NTNG2: variants seen among roughly 807,000 people sequenced by gnomAD.
NTNG2 encodes netrin-G2.
A neutral mutation model predicts 47.6 loss-of-function variants in NTNG2; 15 were observed. The observed-to-expected ratio is 0.32, with a 90% CI of 0.21 to 0.49. The LOEUF is 0.49. Ranked by LOEUF, NTNG2 falls within the 20% of genes least tolerant of loss-of-function variation. The pLI, the probability that NTNG2 is intolerant of heterozygous loss-of-function variation, is 0.99. For missense variants in NTNG2, 578 were observed against 764.6 expected (o/e 0.76, Z 2.88); for synonymous variants, 307 against 324.6 (o/e 0.95, Z 0.58).
intron 5 of NTNG2, among the ~76,000 whole-genome samples, chr9:132,234,734 A>G (rs1414643540): frequency 2.0e-5 from 3 of 152,260 alleles, no homozygotes; most frequent in African/African-American, 7.2e-5. Context: ...AAATGCCTTC[A>G]GGGCTGGCTT....
Position 132,218,117 on chromosome 9 carries a change from G to A in NTNG2, c.858-8732G>A, listed in dbSNP as rs2130877856. Among the ~76,000 whole-genome samples the A allele has an allele frequency of 6.6e-6, 1 of 152,356 alleles. No individual in the cohort carries two copies. The highest frequency in any genetic ancestry group is 2.4e-5 in the African/African-American group (1 of 41,588). ...ATTTGTGCAGGCCACACAGCTGTGT[G>A]CACCATGAGCTGGGCAGAAGCCCTG... On this transcript the variant is annotated intron_variant, in intron 3 of 7. Transcript: ENST00000393229. This position sits in a 1 kb window ranked among gnomAD's most constrained non-coding sequence, Gnocchi z 5.4.
intron 3 of NTNG2, among the ~76,000 whole-genome samples, chr9:132,219,430 A>G (rs1487071468): frequency 6.7e-6 from 1 of 148,356 alleles, no homozygotes; most frequent in Non-Finnish European, 1.5e-5. Context: ...AAAATTAGCT[A>G]GATGTGGTGG....
At chr9:132,206,448 C>G (rs768357432) in intron 3 of NTNG2, among the ~76,000 whole-genome samples, 2 of 152,228 alleles carry the variant, frequency 1.3e-5, no homozygotes, top group African/African-American at 2.4e-5. Flanking sequence ...AGGTCCATCA[C>G]CTGAGGTCAG....
At chr9:132,216,416 G>A (rs1977549) in intron 3 of NTNG2, among the ~76,000 whole-genome samples, 2 of 31,900 alleles carry the variant, frequency 6.3e-5, no homozygotes, top group Non-Finnish European at 1.3e-4. Context: ...CTCTCTCTCT[G>A]TGTGTGTGTG....
chr9:132,168,454 G>A (rs1390316482), intron 2 of NTNG2, among the ~76,000 whole-genome samples: 1 of 152,328 alleles, frequency 6.6e-6, no homozygotes, highest in African/African-American at 2.4e-5. Flanking sequence ...CACATCACAG[G>A]GCAGTCAGCC....
chr9:132,225,227 GTCTTGTTTTGTTTTTGT>G (rs1840657698), intron 3 of NTNG2, among the ~76,000 whole-genome samples: 2 of 23,254 alleles, frequency 8.6e-5, no homozygotes, highest in Admixed American at 3.3e-4. Flanking sequence ...CTTTTGTTTT[GTCTTGTTTTGTTTTTGT>G]TTTTGTTTTG....
chr9:132,223,761 A>G (rs1360354355), intron 3 of NTNG2, among the ~76,000 whole-genome samples: 1 of 152,074 alleles, frequency 6.6e-6, no homozygotes, highest in Non-Finnish European at 1.5e-5. Context: ...GATCTCACTG[A>G]TCTCTCCCTG....
At chr9:132,175,335 C>T (rs1260947143) in intron 2 of NTNG2, among the ~76,000 whole-genome samples, 4 of 152,182 alleles carry the variant, frequency 2.6e-5, no homozygotes, top group East Asian at 3.9e-4. Context: ...GATTAGGCCA[C>T]AGGCTCTGAA....
Position 132,179,240 on chromosome 9 carries a change from G to A in NTNG2, c.213+12196G>A, listed in dbSNP as rs533619262. Among the ~76,000 whole-genome samples the A allele has an allele frequency of 6.6e-5, 10 of 152,342 alleles. No individual in the cohort carries two copies. The East Asian group carries it at 9.6e-4, about 15-fold the overall frequency. ...GGTGGGGGACACAGGATGCCTGCCC[G>A]GATGCCACCTGCAGCCAGTGGGGGC... is the stretch of plus-strand genomic sequence containing the variant. On this transcript the variant is annotated intron_variant, in intron 2 of 7. Coordinates refer to ENST00000393229, the MANE Select transcript of NTNG2 (RefSeq NM_032536.4).
rs756582910 is a variant in NTNG2, at chr9:132,227,035, C to T, written c.1030+14C>T. The T allele has an allele frequency of 6.3e-7, 1 of 1,580,610 alleles. No homozygotes were observed. The highest frequency in any genetic ancestry group is 1.3e-5 in the African/African-American group (1 of 74,340). ...CTCCCAACGCCTGTACGTGCCATGC[C>T]CCGGGGCCACGAGCCCACATGGCTA... On this transcript the variant is annotated intron_variant, in intron 4 of 7. Transcript: ENST00000393229.
chr9:132,237,716 G>C (rs1230363343), intron 5 of NTNG2, among the ~76,000 whole-genome samples: 2 of 152,230 alleles, frequency 1.3e-5, no homozygotes, highest in Non-Finnish European at 2.9e-5. Context: ...GCAGGTATGA[G>C]TCAGAAGCCA....
chr9:132,242,141 G>A lies in NTNG2; in HGVS notation c.*30G>A, dbSNP rs953848644. ...CGCCCGGAGGACGCTCCCCGCACCC[G>A]GAGGCCGGGGGTCCCGGGGTCCCGG... On this transcript the variant is annotated 3_prime_UTR_variant, in exon 8 of 8. Transcript: ENST00000393229. This position sits in a 1 kb window ranked among gnomAD's most constrained non-coding sequence, Gnocchi z 5.9. The A allele has an allele frequency of 1.9e-4, 200 of 1,053,392 alleles. No individual in the cohort carries two copies. The highest frequency in any genetic ancestry group is 2.2e-4 in the Non-Finnish European group (193 of 863,274). 65.3% of individuals were successfully genotyped at this position (1,053,392 alleles called of 1,614,324 possible). A position where few individuals can be genotyped will look rare whatever the true frequency, so the allele number is the denominator to read the frequency against.
intron 4 of NTNG2, 102 bp from the exon 5 acceptor site, chr9:132,230,470 C>A: frequency 9.4e-7 from 1 of 1,067,808 alleles, no homozygotes; most frequent in Non-Finnish European, 1.4e-6. Context: ...GAGGGAGCGA[C>A]ACCTCCAGGT....
At chr9:132,164,496 A>G (rs1835356269) in intron 1 of NTNG2, among the ~76,000 whole-genome samples, 2 of 152,228 alleles carry the variant, frequency 1.3e-5, no homozygotes, top group Admixed American at 1.3e-4. Flanking sequence ...GTTAGTGAAC[A>G]GTTAGGAGTC....
At chr9:132,185,976 G>A (rs1589408450) in intron 2 of NTNG2, among the ~76,000 whole-genome samples, 3 of 152,254 alleles carry the variant, frequency 2.0e-5, no homozygotes, top group Middle Eastern at 6.8e-3. Flanking sequence ...CTCCTGGTGT[G>A]GGGAAGGAGG....
At chr9:132,229,991 C>T (rs752315376) in intron 4 of NTNG2, among the ~76,000 whole-genome samples, 10 of 152,238 alleles carry the variant, frequency 6.6e-5, no homozygotes, top group African/African-American at 1.2e-4. Context: ...CTCCCCAAGC[C>T]GTGTGTCCTC....
intron 2 of NTNG2, among the ~76,000 whole-genome samples, chr9:132,170,067 T>C (rs7873311): frequency 0.46 from 69,266 of 152,106 alleles, 17,532 homozygotes; most frequent in African/African-American, 0.68. Flanking sequence ...GCCCCTTCAG[T>C]GGCAGGTGCT....
intron 2 of NTNG2, among the ~76,000 whole-genome samples, chr9:132,167,857 CAGCT>C (rs1835611029): frequency 1.3e-5 from 2 of 152,194 alleles, no homozygotes; most frequent in African/African-American, 4.8e-5. Context: ...GTCCTCCCCT[CAGCT>C]AGCCAGGTGG....
chr9:132,171,345 C>T (rs575685002), intron 2 of NTNG2, among the ~76,000 whole-genome samples: 4 of 152,330 alleles, frequency 2.6e-5, no homozygotes, highest in South Asian at 2.1e-4. Flanking sequence ...GGAGAGGAAA[C>T]GCCTCTCACA....
Sources: allele counts gnomAD v4.1 joint callset (sites outside exome capture counted in the v4.1 genomes callset), GRCh38; gene constraint gnomAD v4.1.1; non-coding constraint Gnocchi (gnomAD v3.1); transcripts MANE v1.5; gene names NCBI Gene and HGNC (gene_info 2026-07-23, HGNC 2026-07-21).